Variants in LHCGR observed in about 807,000 individuals in gnomAD.
The protein encoded by LHCGR is lutropin-choriogonadotropic hormone receptor.
LHCGR carries 55 observed loss-of-function variants against 60.7 expected under a neutral mutation model. The observed-to-expected ratio is 0.91, with a 90% CI of 0.73 to 1.13. LHCGR has a LOEUF of 1.13. Ranked by LOEUF, LHCGR falls within the 50% of genes most tolerant of loss-of-function variation. The probability of loss-of-function intolerance (pLI) is 0.00; values close to 1 mark genes in which losing one functional copy is unlikely to be tolerated. For synonymous variants in LHCGR, 337 were observed against 316.5 expected (o/e 1.06, Z -0.69); for missense variants, 862 against 836.0 (o/e 1.03, Z -0.38).
At chr2:48,700,938 C>T (rs1053231261) in intron 8 of LHCGR, among the ~76,000 whole-genome samples, 7 of 151,910 alleles carry the variant, frequency 4.6e-5, no homozygotes, top group African/African-American at 1.7e-4. Flanking sequence ...AGTCAGAAGT[C>T]GATAGTGGCA....
chr2:48,695,722 A>T (rs1667086805), intron 9 of LHCGR, among the ~76,000 whole-genome samples: 1 of 152,230 alleles, frequency 6.6e-6, no homozygotes, highest in Non-Finnish European at 1.5e-5. Flanking sequence ...ATAAAAAATC[A>T]TGTCTTTTGC....
At position 48,751,716 on chromosome 2, in the gene LHCGR, A is replaced by G. The variant is rs1038431480; in HGVS notation, c.161+3795T>C. ...AAAGAGTAATGCTGGATCGATATGA[A>G]CATTGCATTAGGTTGGTGCAAAAGT... is the stretch of plus-strand genomic sequence containing the variant. On this transcript the variant is annotated intron_variant, in intron 1 of 10. Transcript: ENST00000294954. 2.0e-5 allele frequency among the ~76,000 whole-genome samples: 3 copies of G among 152,238 alleles called. No homozygotes were observed. In the South Asian group the frequency reaches 6.2e-4, roughly 32 times the overall value.
At chr2:48,696,122 A>G (rs1018288977) in intron 9 of LHCGR, among the ~76,000 whole-genome samples, 2 of 151,996 alleles carry the variant, frequency 1.3e-5, no homozygotes, top group African/African-American at 4.8e-5. Context: ...TTCTCTCCTC[A>G]TATTCAGTGC....
At chr2:48,700,294 A>T (rs1667344271) in intron 8 of LHCGR, among the ~76,000 whole-genome samples, 1 of 152,178 alleles carries the variant, frequency 6.6e-6, no homozygotes. Context: ...CAAGGCAGTG[A>T]ACCTCTGATA....
chr2:48,716,475 G>T (rs992487743), intron 6 of LHCGR, among the ~76,000 whole-genome samples: 8 of 151,982 alleles, frequency 5.3e-5, no homozygotes, highest in African/African-American at 1.9e-4. Context: ...TATAATCATG[G>T]GTCAGATGAT....
At chr2:48,738,235 T>C (rs997335057) in intron 1 of LHCGR, among the ~76,000 whole-genome samples, 3 of 152,200 alleles carry the variant, frequency 2.0e-5, no homozygotes, top group African/African-American at 7.2e-5. Context: ...CTATTTTTTT[T>C]CCCTTCAGTA....
intron 1 of LHCGR, among the ~76,000 whole-genome samples, chr2:48,751,333 C>T (rs1669946646): frequency 6.6e-6 from 1 of 152,128 alleles, no homozygotes; most frequent in Admixed American, 6.5e-5. Context: ...AATATTTCCC[C>T]CCCAGCCTGG....
chr2:48,730,841 G>C (rs1039920472), intron 2 of LHCGR, among the ~76,000 whole-genome samples: 45 of 152,200 alleles, frequency 3.0e-4, no homozygotes, highest in African/African-American at 1.0e-3. Flanking sequence ...ATTATCTTCT[G>C]ATGCACAATA....
intron 6 of LHCGR, among the ~76,000 whole-genome samples, chr2:48,722,309 C>T (rs1390336826): frequency 6.6e-6 from 1 of 152,166 alleles, no homozygotes; most frequent in African/African-American, 2.4e-5. Context: ...GCTCCTCAAA[C>T]TTTAATGTAC....
chr2:48,739,111 G>C (rs866585370), intron 1 of LHCGR, among the ~76,000 whole-genome samples: 1 of 152,184 alleles, frequency 6.6e-6, no homozygotes, highest in East Asian at 1.9e-4. Flanking sequence ...ACCACAATGA[G>C]ATACCATCTC....
chr2:48,714,393 C>G (rs1023657159), intron 6 of LHCGR, among the ~76,000 whole-genome samples: 4 of 152,036 alleles, frequency 2.6e-5, no homozygotes, highest in African/African-American at 9.7e-5. Flanking sequence ...ACACTTAAGC[C>G]TTTCCTCTGG....
intron 10 of LHCGR, among the ~76,000 whole-genome samples, chr2:48,691,218 A>G (rs1185478194): frequency 6.6e-6 from 1 of 152,146 alleles, no homozygotes; most frequent in Non-Finnish European, 1.5e-5. Context: ...CTAACTTCCC[A>G]TGTTTTGTAT....
rs1680056055 is a variant in LHCGR at position 48,688,991 on chromosome 2, T to C, written c.948-142A>G. The stretch of plus-strand genomic sequence containing the variant: ...GCCTTACATTTATTTGTTAAATTAT[T>C]TGAGAACTCTGATTTGATGTAGGAG... On this transcript the variant is annotated intron_variant, in intron 10 of 10. Transcript: ENST00000294954. The surrounding 1 kb of genome is among the most constrained non-coding windows in gnomAD (Gnocchi z 5.2). The C allele has an allele frequency of 2.6e-6, 2 of 778,544 alleles. No homozygotes were observed. Among genetic ancestry groups the C allele is most frequent in the Non-Finnish European group, 4.2e-6 (2 of 481,254 alleles). The allele number at this position is 778,544 out of a possible 1,614,324, so 48.2% of individuals were successfully genotyped here.
At chr2:48,713,020 T>C (rs1668067780) in intron 7 of LHCGR, among the ~76,000 whole-genome samples, 1 of 152,198 alleles carries the variant, frequency 6.6e-6, no homozygotes, top group South Asian at 2.1e-4. Flanking sequence ...TAGACTGTGC[T>C]ACCCAACTTC....
chr2:48,750,947 A>G (rs1251104739), intron 1 of LHCGR, among the ~76,000 whole-genome samples: 1 of 152,264 alleles, frequency 6.6e-6, no homozygotes, highest in East Asian at 1.9e-4. Context: ...ACAAAGAATT[A>G]TCTGGCCCCA....
chr2:48,697,392 C>G (rs1019024670), intron 9 of LHCGR, among the ~76,000 whole-genome samples: 1 of 152,180 alleles, frequency 6.6e-6, no homozygotes, highest in African/African-American at 2.4e-5. Flanking sequence ...TATTGGCTCT[C>G]TTGTGTGTTG....
In LHCGR at chr2:48,723,390, C is replaced by T. The variant is rs1668584062; in HGVS notation, c.536+66G>A. 3 of 1,141,964 alleles carry T rather than the reference C, an allele frequency of 2.6e-6. No homozygotes were observed. The African/African-American group carries it at 4.6e-5, about 17-fold the overall frequency. The allele number at this position is 1,141,964 out of a possible 1,614,324, so 70.7% of individuals were successfully genotyped here. A position where few individuals can be genotyped will look rare whatever the true frequency, so the allele number is the denominator to read the frequency against. On this transcript the variant is annotated intron_variant, in intron 6 of 10. Coordinates refer to ENST00000294954, the MANE Select transcript of LHCGR (RefSeq NM_000233.4). ...GTGGTAAAACATGAGAAAAAGCTCA[C>T]CCCAACCTAGTAGTGAGACTAGCAG...
chr2:48,755,294 A>C (rs1339814390), intron 1 of LHCGR, among the ~76,000 whole-genome samples: 1 of 152,052 alleles, frequency 6.6e-6, no homozygotes, highest in Non-Finnish European at 1.5e-5. Flanking sequence ...CCAGGGGTAA[A>C]GAATGGGGCT....
At chr2:48,717,440 T>C (rs1668300359) in intron 6 of LHCGR, among the ~76,000 whole-genome samples, 1 of 152,214 alleles carries the variant, frequency 6.6e-6, no homozygotes, top group South Asian at 2.1e-4. Flanking sequence ...AGTATGATAA[T>C]AGTATCAACC....
Sources: allele counts gnomAD v4.1 joint callset (sites outside exome capture counted in the v4.1 genomes callset), GRCh38; gene constraint gnomAD v4.1.1; non-coding constraint Gnocchi (gnomAD v3.1); transcripts MANE v1.5; gene names NCBI Gene and HGNC (gene_info 2026-07-23, HGNC 2026-07-21).